The following ASIC2 variants were observed in gnomAD, a reference collection of about 807,000 sequenced individuals.
ASIC2 encodes acid sensing ion channel subunit 2.
Under a neutral mutation model 57.3 loss-of-function variants are expected in ASIC2, and 25 were observed. The observed-to-expected ratio is 0.44, with a 90% CI of 0.32 to 0.61. The LOEUF is 0.61. Among genes scored for constraint, ASIC2 ranks in the 20% least tolerant of loss-of-function variants. ASIC2 has a pLI of 0.06. For synonymous variants in ASIC2, 319 were observed against 307.5 expected, an observed-to-expected ratio of 1.04 and a Z score of -0.39; for missense variants, 641 against 738.1, an observed-to-expected ratio of 0.87 and a Z score of 1.52.
At chr17:33,200,125 C>CTTCA (rs1202462887) in intron 1 of ASIC2, among the ~76,000 whole-genome samples, 1 of 152,174 alleles carries the variant, frequency 6.6e-6, no homozygotes, top group East Asian at 1.9e-4. Context: ...TCTAGAAGGA[C>CTTCA]TTCAGTGTTA....
intron 1 of ASIC2, among the ~76,000 whole-genome samples, chr17:33,127,959 C>T (rs138560979): frequency 6.6e-6 from 1 of 152,380 alleles, no homozygotes; most frequent in Non-Finnish European, 1.5e-5. Context: ...TCCTGCACTA[C>T]ATGAGTCAGC....
At chr17:33,690,479 TG>T (rs910693661) in intron 1 of ASIC2, among the ~76,000 whole-genome samples, 1 of 152,216 alleles carries the variant, frequency 6.6e-6, no homozygotes, top group Non-Finnish European at 1.5e-5. Flanking sequence ...GTATGATGGC[TG>T]GGTTGTAAGA....
At chr17:33,817,987 T>G (rs73286722) in intron 1 of ASIC2, among the ~76,000 whole-genome samples, 65 of 152,264 alleles carry the variant, frequency 4.3e-4, no homozygotes, top group African/African-American at 1.6e-3. Flanking sequence ...GTACGTTGGC[T>G]CAAAGCTCCC....
chr17:34,006,614 T>G (rs566668889), intron 1 of ASIC2: 92 of 149,690 alleles, frequency 6.1e-4, no homozygotes, highest in African/African-American at 2.1e-3. Flanking sequence ...TTTAAAAATA[T>G]TTATTTTTTA....
intron 1 of ASIC2, among the ~76,000 whole-genome samples, chr17:33,646,649 A>G (rs1452455585): frequency 6.6e-6 from 1 of 152,222 alleles, no homozygotes; most frequent in Non-Finnish European, 1.5e-5. Context: ...TAACAAAAAC[A>G]TGTACATTTT....
chr17:33,614,938 G>A (rs1369106), intron 1 of ASIC2, among the ~76,000 whole-genome samples: 69,773 of 151,998 alleles, frequency 0.46, 16,263 homozygotes, highest in Middle Eastern at 0.54. Flanking sequence ...CTTAAAGTGC[G>A]CGTAATAATA....
At chr17:34,119,612 GACACACAC>G (rs71369048) in intron 1 of ASIC2, among the ~76,000 whole-genome samples, 5 of 147,936 alleles carry the variant, frequency 3.4e-5, no homozygotes, top group Admixed American at 1.3e-4. Context: ...TCTCTACACA[GACACACAC>G]ACACACACAC....
At chr17:34,039,631 C>T in intron 1 of ASIC2, 2 of 1,613,356 alleles carry the variant, frequency 1.2e-6, no homozygotes, top group Non-Finnish European at 8.5e-7. Flanking sequence ...AATTTTATGT[C>T]CCCTAGGAGT....
intron 1 of ASIC2, among the ~76,000 whole-genome samples, chr17:34,007,544 A>G (rs1298787588): frequency 6.6e-6 from 1 of 152,188 alleles, no homozygotes; most frequent in African/African-American, 2.4e-5. Flanking sequence ...GGCATTCAAC[A>G]TCAACCTTAA....
chr17:33,350,984 C>T (rs955661297), intron 1 of ASIC2, among the ~76,000 whole-genome samples: 3 of 152,130 alleles, frequency 2.0e-5, no homozygotes, highest in Non-Finnish European at 4.4e-5. Flanking sequence ...TTTCGTGTTC[C>T]ATCTCTGTCC....
At chr17:33,175,300 CCTT>C (rs1013157174) in intron 1 of ASIC2, among the ~76,000 whole-genome samples, 9 of 152,172 alleles carry the variant, frequency 5.9e-5, no homozygotes, top group South Asian at 2.1e-4. Flanking sequence ...ATGCTTTTCT[CCTT>C]CTTATCTCTT....
At chr17:34,046,016 C>A (rs1456048097) in intron 1 of ASIC2, among the ~76,000 whole-genome samples, 1 of 152,162 alleles carries the variant, frequency 6.6e-6, no homozygotes, top group African/African-American at 2.4e-5. Context: ...TGTCAAGAGG[C>A]CTGACCACCC....
intron 1 of ASIC2, among the ~76,000 whole-genome samples, chr17:33,731,486 T>A (rs1909740852): frequency 6.6e-6 from 1 of 152,158 alleles, no homozygotes; most frequent in South Asian, 2.1e-4. Flanking sequence ...TCACCTAAGG[T>A]CCATAAAGAA....
At chr17:33,408,109 G>C (rs999851516) in intron 1 of ASIC2, among the ~76,000 whole-genome samples, 1 of 152,154 alleles carries the variant, frequency 6.6e-6, no homozygotes, top group Non-Finnish European at 1.5e-5. Flanking sequence ...TTCCTTTCTT[G>C]CTCAGATCCT....
chr17:33,905,020 C>T (rs1427665235), intron 1 of ASIC2, among the ~76,000 whole-genome samples: 1 of 151,670 alleles, frequency 6.6e-6, no homozygotes, highest in African/African-American at 2.4e-5. Context: ...GGAATCGCCT[C>T]AAATGTGCAC....
intron 1 of ASIC2, among the ~76,000 whole-genome samples, chr17:33,466,751 T>A (rs184849769): frequency 1.8e-3 from 275 of 152,278 alleles, no homozygotes; most frequent in African/African-American, 6.3e-3. Flanking sequence ...GGGGAAAGGA[T>A]TCCCCATTTA....
At chr17:34,136,572 A>G (rs1423337503) in intron 1 of ASIC2, among the ~76,000 whole-genome samples, 1 of 152,218 alleles carries the variant, frequency 6.6e-6, no homozygotes, top group Non-Finnish European at 1.5e-5. Context: ...TTTGAATCCA[A>G]TCATGACTTG....
intron 1 of ASIC2, among the ~76,000 whole-genome samples, chr17:34,074,571 T>C (rs1283967976): frequency 2.0e-5 from 3 of 152,088 alleles, no homozygotes; most frequent in Non-Finnish European, 2.9e-5. Context: ...CCAGGCCCTA[T>C]CCCAAAGTAT....
intron 1 of ASIC2, among the ~76,000 whole-genome samples, chr17:33,881,336 T>C (rs910808441): frequency 1.3e-5 from 2 of 151,524 alleles, no homozygotes; most frequent in African/African-American, 4.9e-5. Flanking sequence ...TGTTTGCAGA[T>C]GACATGATTG....
Sources: gnomAD v4.1 joint callset for allele counts (sites outside exome capture counted in the v4.1 genomes callset) on GRCh38, gnomAD v4.1.1 for gene constraint, MANE v1.5 for transcripts, NCBI Gene and HGNC (gene_info 2026-07-23, HGNC 2026-07-21) for gene names.